Variants in MACIR observed in about 807,000 individuals in gnomAD.
MACIR encodes the protein macrophage immunometabolism regulator, also known as UNC119-binding protein C5orf30.
Under a neutral mutation model 14.3 loss-of-function variants are expected in MACIR, and 4 were observed. The ratio of observed to expected loss-of-function variants is 0.28; its 90% CI spans 0.14 to 0.64. The LOEUF (loss-of-function observed/expected upper bound fraction) is 0.64, where lower values mean the gene tolerates loss of function less well. MACIR is among the 30% of genes least tolerant of loss of function. The pLI is 0.83. For missense variants in MACIR, 228 were observed against 257.6 expected, an observed-to-expected ratio of 0.89 and a Z score of 0.79; for synonymous variants, 101 against 102.4, an observed-to-expected ratio of 0.99 and a Z score of 0.08.
intron 2 of MACIR, among the ~76,000 whole-genome samples, chr5:103,269,322 T>C (rs1805043822): frequency 6.6e-6 from 1 of 152,202 alleles, no homozygotes. Context: ...AAAATGGCTC[T>C]ATAAGAAATG....
At chr5:103,262,302 AG>A (rs1411802870) in intron 1 of MACIR, among the ~76,000 whole-genome samples, 2 of 37,846 alleles carry the variant, frequency 5.3e-5, no homozygotes, top group African/African-American at 3.5e-4. Context: ...GTACACCCGA[AG>A]AAAGAACTCA....
intron 2 of MACIR, among the ~76,000 whole-genome samples, chr5:103,274,703 C>T (rs782583483): frequency 2.6e-5 from 4 of 151,644 alleles, no homozygotes; most frequent in Non-Finnish European, 5.9e-5. Context: ...AATGAATACC[C>T]AAACTTTAAG....
intron 1 of MACIR, among the ~76,000 whole-genome samples, chr5:103,260,684 A>G (rs2149918689): frequency 6.6e-6 from 1 of 152,286 alleles, no homozygotes; most frequent in Non-Finnish European, 1.5e-5. Context: ...TTTTCTTTGT[A>G]TATTTCTGTG....
At chr5:103,263,882 A>G (rs1352642858) in intron 1 of MACIR, among the ~76,000 whole-genome samples, 1 of 152,148 alleles carries the variant, frequency 6.6e-6, no homozygotes, top group African/African-American at 2.4e-5. Context: ...CTGTCGCATA[A>G]TTTATGATTT....
chr5:103,268,583 AC>A (rs144259124), intron 2 of MACIR, among the ~76,000 whole-genome samples: 63 of 152,346 alleles, frequency 4.1e-4, no homozygotes, highest in Non-Finnish European at 7.6e-4. Flanking sequence ...GTTCTATCTG[AC>A]AAGTTCCCAA....
intron 1 of MACIR, among the ~76,000 whole-genome samples, chr5:103,264,040 G>C (rs1453885488): frequency 6.6e-6 from 1 of 152,114 alleles, no homozygotes; most frequent in Non-Finnish European, 1.5e-5. Flanking sequence ...TCACAAATGA[G>C]GCAATAAAGC....
intron 2 of MACIR, among the ~76,000 whole-genome samples, chr5:103,272,081 T>C (rs1199420772): frequency 6.6e-6 from 1 of 152,166 alleles, no homozygotes; most frequent in Non-Finnish European, 1.5e-5. Context: ...ATTGTTTATC[T>C]TGGCAGCAAG....
chr5:103,266,932 A>G (rs1804945443), intron 2 of MACIR, among the ~76,000 whole-genome samples: 1 of 152,166 alleles, frequency 6.6e-6, no homozygotes, highest in African/African-American at 2.4e-5. Context: ...AACGTTACTA[A>G]AATTTTCAGT....
At chr5:103,275,330 T>A (rs1183912537) in intron 2 of MACIR, among the ~76,000 whole-genome samples, 1 of 152,208 alleles carries the variant, frequency 6.6e-6, no homozygotes, top group South Asian at 2.1e-4. Context: ...CTAAGAATAG[T>A]TTTTTAGGTC....
At chr5:103,267,092 G>A (rs969596411) in intron 2 of MACIR, among the ~76,000 whole-genome samples, 7 of 152,064 alleles carry the variant, frequency 4.6e-5, no homozygotes, top group Non-Finnish European at 1.0e-4. Flanking sequence ...AGGAATGTAT[G>A]TGTATCTATG....
chr5:103,262,490 GATAT>G (rs1804763154), intron 1 of MACIR, among the ~76,000 whole-genome samples: 2 of 152,170 alleles, frequency 1.3e-5, no homozygotes, highest in African/African-American at 4.8e-5. Context: ...TATGAATTGA[GATAT>G]ATAGTCACTC....
intron 2 of MACIR, among the ~76,000 whole-genome samples, chr5:103,268,341 C>A (rs967827203): frequency 3.9e-5 from 6 of 152,052 alleles, no homozygotes; most frequent in African/African-American, 1.4e-4. Flanking sequence ...ATGAAGGAGC[C>A]CGATTCTCAT....
chr5:103,277,934 G>A lies in MACIR; in HGVS notation c.*1394G>A, dbSNP rs1434816627. On this transcript the variant is annotated 3_prime_UTR_variant, in exon 3 of 3. Coordinates refer to ENST00000319933, the MANE Select transcript of MACIR (RefSeq NM_033211.4). ...TAAGAACACCTTTTAATTAATGAGT[G>A]GGTCATTCCTGGTGCAATTGTGATT... is the stretch of plus-strand genomic sequence containing the variant. The A allele has an allele frequency of 1.8e-5, 3 of 166,998 alleles. No individual in the cohort carries two copies. The highest frequency in any genetic ancestry group is 4.4e-5 in the Non-Finnish European group (3 of 68,090). 10.3% of individuals were successfully genotyped at this position (166,998 alleles called of 1,614,324 possible). A position where few individuals can be genotyped will look rare whatever the true frequency, so the allele number is the denominator to read the frequency against.
At chr5:103,266,995 G>A (rs1414747751) in intron 2 of MACIR, among the ~76,000 whole-genome samples, 4 of 152,072 alleles carry the variant, frequency 2.6e-5, no homozygotes, top group African/African-American at 9.7e-5. Flanking sequence ...TACTTGGAGA[G>A]GATATTGAAT....
At chr5:103,269,476 A>C (rs1439531278) in intron 2 of MACIR, among the ~76,000 whole-genome samples, 2 of 152,150 alleles carry the variant, frequency 1.3e-5, no homozygotes, top group Admixed American at 1.3e-4. Flanking sequence ...AAGCATATGG[A>C]GCAGTGTTTT....
chr5:103,271,179 A>T (rs1027746848), intron 2 of MACIR, among the ~76,000 whole-genome samples: 1 of 152,168 alleles, frequency 6.6e-6, no homozygotes, highest in African/African-American at 2.4e-5. Flanking sequence ...AGTTTCTTAA[A>T]TGAAATACAG....
chr5:103,258,748 C>T, upstream of MACIR: 1 of 153,094 alleles, frequency 6.5e-6, no homozygotes, highest in South Asian at 1.8e-4. Context: ...TAGCTGGCGC[C>T]GAGCGCGGTG....
rs1214644016 is a variant in MACIR, at chr5:103,277,096, T to G, written c.*556T>G. ...TTAACATTTCAGATTGACAAGAGAGTAATCTTTCTTCACTTGCCTCAATAA... is the reference window on the plus strand; with the variant it reads ...TTAACATTTCAGATTGACAAGAGAGGAATCTTTCTTCACTTGCCTCAATAA... On this transcript the variant is annotated 3_prime_UTR_variant, in exon 3 of 3. Coordinates refer to ENST00000319933, the MANE Select transcript of MACIR (RefSeq NM_033211.4). 2 of 167,040 alleles carry G rather than the reference T, an allele frequency of 1.2e-5. No homozygotes were observed. The highest frequency in any genetic ancestry group is 2.9e-5 in the Non-Finnish European group (2 of 68,118). 10.3% of individuals were successfully genotyped at this position (167,040 alleles called of 1,614,324 possible).
chr5:103,259,002 C>T (rs1450634401), intron 1 of MACIR, 106 bp downstream of exon 1: 1 of 152,642 alleles, frequency 6.6e-6, no homozygotes, highest in Non-Finnish European at 1.5e-5. Context: ...GCTCCGATCC[C>T]CAGTGCCAGC....
Sources: allele counts gnomAD v4.1 joint callset (sites outside exome capture counted in the v4.1 genomes callset), GRCh38; gene constraint gnomAD v4.1.1; transcripts MANE v1.5; gene names NCBI Gene and HGNC (gene_info 2026-07-23, HGNC 2026-07-21).